The following SINHCAF variants were observed in gnomAD, a reference collection of about 807,000 sequenced individuals.
SINHCAF encodes the protein SIN3-HDAC complex-associated factor.
A neutral mutation model predicts 25.8 loss-of-function variants in SINHCAF; 3 were observed. The observed-to-expected ratio is 0.12, with a 90% CI of 0.05 to 0.30. SINHCAF has a LOEUF of 0.30. Ranked by LOEUF, SINHCAF falls within the 10% of genes least tolerant of loss-of-function variation. The probability of loss-of-function intolerance (pLI) is 1.00; values close to 1 mark genes in which losing one functional copy is unlikely to be tolerated. For missense variants in SINHCAF, 121 were observed against 262.3 expected, an observed-to-expected ratio of 0.46 and a Z score of 3.72; for synonymous variants, 70 against 85.5, an observed-to-expected ratio of 0.82 and a Z score of 1.00.
chr12:31,323,977 C>T, intron 1 of SINHCAF: 1 of 455,970 alleles, frequency 2.2e-6, no homozygotes, highest in Non-Finnish European at 4.4e-6. Context: ...TCGGGCACTC[C>T]GGTGACTGCC....
rs1939016653 is a variant in SINHCAF at position 31,306,116 on chromosome 12, C to G, written c.-20-7892G>C. Among the ~76,000 whole-genome samples, 3 of 152,218 alleles carry G rather than the reference C, an allele frequency of 2.0e-5. No homozygotes were observed. In the South Asian group the frequency reaches 6.2e-4, roughly 31 times the overall value. ...CCCTTAATAAGATTTTACCCACTAC[C>G]ATTGCCCATCAGCAGGATGGGCAAT... On this transcript the variant is annotated intron_variant, in intron 1 of 5. Transcript: ENST00000337682.
intron 5 of SINHCAF, among the ~76,000 whole-genome samples, chr12:31,286,305 G>A (rs1040585874): frequency 2.0e-5 from 3 of 151,454 alleles, no homozygotes; most frequent in African/African-American, 2.4e-5. Context: ...AACCTTAAAG[G>A]AATGTTCAAA....
intron 1 of SINHCAF, among the ~76,000 whole-genome samples, chr12:31,300,878 A>G: frequency 6.6e-6 from 1 of 152,220 alleles, no homozygotes; most frequent in East Asian, 1.9e-4. Flanking sequence ...TAACTCTTGG[A>G]AACTTCAGCC....
intron 3 of SINHCAF, among the ~76,000 whole-genome samples, chr12:31,294,156 T>C (rs527466325): frequency 3.3e-5 from 5 of 152,272 alleles, no homozygotes; most frequent in East Asian, 1.9e-4. Context: ...TGGGAGTCTA[T>C]TGGAAAAAAA....
At position 31,282,357 on chromosome 12, in the gene SINHCAF, C is replaced by G. The variant is rs1937838186; in HGVS notation, c.*355G>C. The G allele has an allele frequency of 6.0e-6, 1 of 165,436 alleles. No individual in the cohort carries two copies. Among genetic ancestry groups the G allele is most frequent in the Admixed American group, 6.2e-5 (1 of 16,240 alleles). The allele number at this position is 165,436 out of a possible 1,614,324, so 10.2% of individuals were successfully genotyped here. On this transcript the variant is annotated 3_prime_UTR_variant, in exon 6 of 6. Coordinates refer to ENST00000337682, the MANE Select transcript of SINHCAF (RefSeq NM_001135812.2). ...GTGGGGGAAATCAACCCATTCAAAA[C>G]TACTCTAGAAATTGTCTTTTGGCAG...
At chr12:31,312,329 T>A (rs1939304571) in intron 1 of SINHCAF, among the ~76,000 whole-genome samples, 1 of 152,182 alleles carries the variant, frequency 6.6e-6, no homozygotes. Flanking sequence ...CTACAAGTAA[T>A]GTGTTTTCAA....
intron 1 of SINHCAF, chr12:31,303,005 C>T (rs897275616): frequency 2.0e-6 from 2 of 985,100 alleles, no homozygotes; most frequent in African/African-American, 1.7e-5. Context: ...TATCATCAAT[C>T]ATCTATCTGT....
chr12:31,323,868 T>C lies in SINHCAF; in HGVS notation c.-21+2156A>G, dbSNP rs369328162. ...GGCCACAGCTCGGCTGGGGAGGAGGTGCTCGCCGCCCTCACCCGTTTCTCT... is the reference window on the plus strand; with the variant it reads ...GGCCACAGCTCGGCTGGGGAGGAGGCGCTCGCCGCCCTCACCCGTTTCTCT... On this transcript the variant is annotated intron_variant, in intron 1 of 5. Coordinates refer to ENST00000337682, the MANE Select transcript of SINHCAF (RefSeq NM_001135812.2). The C allele has an allele frequency of 1.8e-4, 80 of 436,696 alleles. 1 individual carries two copies. The East Asian group carries it at 4.2e-3, about 23-fold the overall frequency. The allele number at this position is 436,696 out of a possible 1,614,324, so 27.1% of individuals were successfully genotyped here.
At chr12:31,291,919 G>C (rs1340077251) in intron 4 of SINHCAF, among the ~76,000 whole-genome samples, 1 of 152,280 alleles carries the variant, frequency 6.6e-6, no homozygotes, top group East Asian at 1.9e-4. Context: ...AATGCACAAA[G>C]GTGCCAGCAA....
At position 31,324,809 on chromosome 12, in the gene SINHCAF, C is replaced by G. The variant is rs1257647471; in HGVS notation, c.-21+1215G>C. ...GGCCCCCCGACCCTCCCCTCGGGAG[C>G]AGGCCCATTTAATCAAAGTTTTGCA... On this transcript the variant is annotated intron_variant, in intron 1 of 5. Coordinates refer to ENST00000337682, the MANE Select transcript of SINHCAF (RefSeq NM_001135812.2). The surrounding 1 kb of genome is among the most constrained non-coding windows in gnomAD (Gnocchi z 5.5). 1 of 369,236 alleles carries G rather than the reference C, an allele frequency of 2.7e-6. No individual in the cohort carries two copies. Among genetic ancestry groups the G allele is most frequent in the South Asian group, 2.0e-5 (1 of 50,640 alleles). The allele number at this position is 369,236 out of a possible 1,614,324, so 22.9% of individuals were successfully genotyped here. A position where few individuals can be genotyped will look rare whatever the true frequency, so the allele number is the denominator to read the frequency against.
chr12:31,301,904 G>A (rs1184654736), intron 1 of SINHCAF, among the ~76,000 whole-genome samples: 1 of 152,062 alleles, frequency 6.6e-6, no homozygotes, highest in East Asian at 1.9e-4. Flanking sequence ...CAAGCAATCT[G>A]GTGGTTCTTT....
chr12:31,295,078 T>C (rs1938496455), intron 3 of SINHCAF, among the ~76,000 whole-genome samples, 156 bp downstream of exon 3: 2 of 152,202 alleles, frequency 1.3e-5, no homozygotes, highest in Admixed American at 1.3e-4. Flanking sequence ...GATGCCAAAA[T>C]GTTAGGCCAT....
At chr12:31,288,113 T>C (rs1277801463) in intron 4 of SINHCAF, among the ~76,000 whole-genome samples, 1 of 152,126 alleles carries the variant, frequency 6.6e-6, no homozygotes, top group Non-Finnish European at 1.5e-5. Flanking sequence ...GTAGGTTCCT[T>C]AGTTTTTCTG....
chr12:31,325,538 C>T lies in SINHCAF; in HGVS notation c.-21+486G>A, dbSNP rs1367078217. 4 of 218,186 alleles carry T rather than the reference C, an allele frequency of 1.8e-5. No individual in the cohort carries two copies. Among genetic ancestry groups the T allele is most frequent in the Admixed American group, 1.1e-4 (2 of 18,188 alleles). 13.5% of individuals were successfully genotyped at this position (218,186 alleles called of 1,614,324 possible). On this transcript the variant is annotated intron_variant, in intron 1 of 5. Transcript: ENST00000337682. The surrounding 1 kb of genome is among the most constrained non-coding windows in gnomAD (Gnocchi z 5.9). The stretch of plus-strand genomic sequence containing the variant: ...CCGAGGGCTGCAGTCAACTAAACCA[C>T]GAGGTTTCACAACGGCGCCCGACCC...
chr12:31,283,708 T>C lies in SINHCAF; in HGVS notation c.507-837A>G, dbSNP rs370794033. 2.0e-4 allele frequency among the ~76,000 whole-genome samples: 30 copies of C among 152,184 alleles called. 1 individual carries two copies. Among genetic ancestry groups the C allele is most frequent in the African/African-American group, 7.2e-4 (30 of 41,520 alleles). On this transcript the variant is annotated intron_variant, in intron 5 of 5. Transcript: ENST00000337682. ...CTAAGGGAAAAAAGATCATTTCCTA[T>C]GAAGCCCCCTGCAGGCCCCTCCACA... is the stretch of plus-strand genomic sequence containing the variant.
Position 31,325,282 on chromosome 12 carries a change from G to A in SINHCAF, c.-21+742C>T, listed in dbSNP as rs898152020. 6.6e-6 allele frequency: 3 copies of A among 456,174 alleles called. No individual in the cohort carries two copies. In the Admixed American group the frequency reaches 7.1e-5, roughly 11 times the overall value. 28.3% of individuals were successfully genotyped at this position (456,174 alleles called of 1,614,324 possible). A position where few individuals can be genotyped will look rare whatever the true frequency, so the allele number is the denominator to read the frequency against. On this transcript the variant is annotated intron_variant, in intron 1 of 5. Coordinates refer to ENST00000337682, the MANE Select transcript of SINHCAF (RefSeq NM_001135812.2). The surrounding 1 kb of genome is among the most constrained non-coding windows in gnomAD (Gnocchi z 5.9). The stretch of plus-strand genomic sequence containing the variant: ...CCGGACACCAGAGGCTCTTGGGCGC[G>A]GTCCGAAGAGGGCAGGCGAGTGGAA...
intron 1 of SINHCAF, among the ~76,000 whole-genome samples, chr12:31,313,952 G>C (rs954368184): frequency 4.6e-5 from 7 of 152,022 alleles, no homozygotes; most frequent in Non-Finnish European, 1.0e-4. Flanking sequence ...ACCACGCCCG[G>C]CCAATTAAAT....
intron 1 of SINHCAF, among the ~76,000 whole-genome samples, chr12:31,313,032 C>CT (rs1052277138): frequency 3.4e-4 from 52 of 151,364 alleles, no homozygotes; most frequent in Non-Finnish European, 6.3e-4. Flanking sequence ...TCACTCTTTT[C>CT]TTTTTTTTTG....
At chr12:31,297,943 G>A (rs1237065119) in intron 2 of SINHCAF, 134 bp downstream of exon 2, 10 of 892,228 alleles carry the variant, frequency 1.1e-5, no homozygotes, top group Non-Finnish European at 1.7e-5. Flanking sequence ...AAAAGCAGGA[G>A]ACTTACACAG....
Sources: allele counts gnomAD v4.1 joint callset (sites outside exome capture counted in the v4.1 genomes callset), GRCh38; gene constraint gnomAD v4.1.1; non-coding constraint Gnocchi (gnomAD v3.1); transcripts MANE v1.5; gene names NCBI Gene and HGNC (gene_info 2026-07-23, HGNC 2026-07-21).